Variants in CTNND2 observed in about 807,000 individuals in gnomAD.
CTNND2 encodes catenin delta-2.
A neutral mutation model predicts 144.4 loss-of-function variants in CTNND2; 22 were observed. The ratio of observed to expected loss-of-function variants is 0.15; its 90% CI spans 0.11 to 0.22. The LOEUF is 0.22. Ranked by LOEUF, CTNND2 falls within the 10% of genes least tolerant of loss-of-function variation. The probability of loss-of-function intolerance (pLI) is 1.00; values close to 1 mark genes in which losing one functional copy is unlikely to be tolerated. For missense variants in CTNND2, 1,353 were observed against 1,618.8 expected (o/e 0.84, Z 2.82); for synonymous variants, 751 against 695.6 (o/e 1.08, Z -1.25).
chr5:11,359,519 G>A (rs546709711), intron 8 of CTNND2, among the ~76,000 whole-genome samples: 3 of 152,304 alleles, frequency 2.0e-5, no homozygotes, highest in Non-Finnish European at 4.4e-5. Flanking sequence ...GGACCACTCT[G>A]TGGCACAAAG....
intron 7 of CTNND2, among the ~76,000 whole-genome samples, chr5:11,371,012 T>C (rs1354234186): frequency 6.6e-6 from 1 of 152,232 alleles, no homozygotes; most frequent in Non-Finnish European, 1.5e-5. Context: ...ACTACAACTT[T>C]GAAGGGCAAA....
chr5:11,760,538 C>T (rs533556558), intron 1 of CTNND2, among the ~76,000 whole-genome samples: 2 of 151,874 alleles, frequency 1.3e-5, no homozygotes, highest in South Asian at 2.1e-4. Context: ...TGAAAAATGC[C>T]GTGGTATTAT....
chr5:11,568,948 C>A (rs1393040305), intron 2 of CTNND2, among the ~76,000 whole-genome samples: 1 of 152,054 alleles, frequency 6.6e-6, no homozygotes, highest in Non-Finnish European at 1.5e-5. Context: ...ATATGTAGTA[C>A]TAAACTAATT....
At chr5:11,721,786 C>A (rs1317664356) in intron 2 of CTNND2, among the ~76,000 whole-genome samples, 1 of 152,228 alleles carries the variant, frequency 6.6e-6, no homozygotes, top group Non-Finnish European at 1.5e-5. Flanking sequence ...TAAGAATGAG[C>A]ATCTCAGAAG....
intron 11 of CTNND2, among the ~76,000 whole-genome samples, chr5:11,181,788 CTGTGTGGTGTG>C (rs1481282813): frequency 2.6e-4 from 29 of 109,978 alleles, no homozygotes; most frequent in African/African-American, 9.8e-4. Flanking sequence ...GTGTGTGTGT[CTGTGTGGTGTG>C]TGTGTGGTGA....
intron 1 of CTNND2, among the ~76,000 whole-genome samples, chr5:11,743,213 T>C (rs1300101346): frequency 6.6e-6 from 1 of 152,198 alleles, no homozygotes; most frequent in Non-Finnish European, 1.5e-5. Context: ...TGAGCTAATA[T>C]ATGAACGATT....
intron 3 of CTNND2, among the ~76,000 whole-genome samples, chr5:11,482,466 C>T (rs1768374218): frequency 6.6e-6 from 1 of 152,090 alleles, no homozygotes; most frequent in East Asian, 1.9e-4. Flanking sequence ...TATATGCTGA[C>T]ACTGTTCTAG....
intron 3 of CTNND2, among the ~76,000 whole-genome samples, chr5:11,481,716 T>C (rs1179096124): frequency 1.3e-5 from 2 of 151,974 alleles, no homozygotes; most frequent in East Asian, 3.9e-4. Context: ...ATTATCTGGG[T>C]GCCTCACACA....
intron 1 of CTNND2, among the ~76,000 whole-genome samples, chr5:11,796,474 T>G (rs772279165): frequency 2.5e-4 from 38 of 152,366 alleles, no homozygotes; most frequent in Middle Eastern, 3.4e-3. Flanking sequence ...TATTTTAGCA[T>G]AATCCTATCA....
chr5:11,212,633 C>G (rs1215017874), intron 10 of CTNND2, among the ~76,000 whole-genome samples: 1 of 152,162 alleles, frequency 6.6e-6, no homozygotes, highest in African/African-American at 2.4e-5. Flanking sequence ...ATTTTAAAGC[C>G]AAAGTACAGA....
intron 1 of CTNND2, among the ~76,000 whole-genome samples, chr5:11,811,641 G>C (rs1022589739): frequency 7.2e-5 from 11 of 152,142 alleles, no homozygotes; most frequent in Admixed American, 2.6e-4. Flanking sequence ...GTACTAGAGA[G>C]TGAATTAAGC....
chr5:11,081,843 T>C (rs1749610744), intron 16 of CTNND2, among the ~76,000 whole-genome samples: 1 of 151,794 alleles, frequency 6.6e-6, no homozygotes, highest in African/African-American at 2.4e-5. Context: ...GGATGGAGAG[T>C]GATTGCTAAT....
intron 1 of CTNND2, among the ~76,000 whole-genome samples, chr5:11,831,633 C>T (rs911254793): frequency 6.7e-6 from 1 of 149,988 alleles, no homozygotes; most frequent in Non-Finnish European, 1.5e-5. Context: ...CGCCACTGCA[C>T]TCCAGCCAGG....
At chr5:11,060,282 G>A (rs1419632662) in intron 16 of CTNND2, among the ~76,000 whole-genome samples, 2 of 152,102 alleles carry the variant, frequency 1.3e-5, no homozygotes, top group East Asian at 3.9e-4. Flanking sequence ...ACTTGGCACT[G>A]CACCTATGGG....
chr5:10,996,551 A>T (rs968872715), intron 18 of CTNND2, among the ~76,000 whole-genome samples: 3 of 152,072 alleles, frequency 2.0e-5, no homozygotes, highest in Admixed American at 1.3e-4. Flanking sequence ...CCGACAGGAG[A>T]TGAGCAGAAG....
At chr5:11,866,219 C>T (rs1007784939) in intron 1 of CTNND2, among the ~76,000 whole-genome samples, 2 of 152,138 alleles carry the variant, frequency 1.3e-5, no homozygotes, top group Non-Finnish European at 2.9e-5. Flanking sequence ...GGGAGGATTG[C>T]TTGAGCCCAG....
At chr5:11,458,861 C>T (rs1166968750) in intron 3 of CTNND2, among the ~76,000 whole-genome samples, 1 of 152,052 alleles carries the variant, frequency 6.6e-6, no homozygotes, top group African/African-American at 2.4e-5. Flanking sequence ...AGCAATAGAG[C>T]AATAGATCCT....
intron 2 of CTNND2, among the ~76,000 whole-genome samples, chr5:11,730,284 A>G (rs1787307140): frequency 6.6e-6 from 1 of 152,000 alleles, no homozygotes. Flanking sequence ...TGATGGTTTT[A>G]TTTTTACAGT....
intron 9 of CTNND2, among the ~76,000 whole-genome samples, chr5:11,250,511 ATACATATAT>A (rs1175483805): frequency 1.3e-5 from 1 of 77,774 alleles, no homozygotes; most frequent in African/African-American, 7.1e-5. Flanking sequence ...ATATATATAT[ATACATATAT>A]TTTTTTTTTT....
Sources: allele counts gnomAD v4.1 joint callset (sites outside exome capture counted in the v4.1 genomes callset), GRCh38; gene constraint gnomAD v4.1.1; transcripts MANE v1.5; gene names NCBI Gene and HGNC (gene_info 2026-07-23, HGNC 2026-07-21).